THSD7A: variants seen among roughly 807,000 people sequenced by gnomAD.
THSD7A encodes thrombospondin type 1 domain containing 7A.
A neutral mutation model predicts 231.3 loss-of-function variants in THSD7A; 96 were observed. That is an observed-to-expected ratio of 0.41 (90% CI 0.35 to 0.49). The LOEUF (loss-of-function observed/expected upper bound fraction) is 0.49. Among genes scored for constraint, THSD7A ranks in the 20% least tolerant of loss-of-function variants. The pLI is 0.05. For missense variants in THSD7A, 2,290 were observed against 2,070.2 expected, an observed-to-expected ratio of 1.11 and a Z score of -2.06; for synonymous variants, 940 against 743.3, an observed-to-expected ratio of 1.26 and a Z score of -4.30.
At chr7:11,456,836 C>T (rs926081803) in intron 11 of THSD7A, among the ~76,000 whole-genome samples, 2 of 151,960 alleles carry the variant, frequency 1.3e-5, no homozygotes, top group Admixed American at 6.6e-5. Flanking sequence ...AGTTTACTGA[C>T]TCCTGGTATG....
Position 11,381,017 on chromosome 7 carries a change from GA to G in THSD7A, c.4508-1306del, listed in dbSNP as rs375232218. Among the ~76,000 whole-genome samples the G allele has an allele frequency of 1.5e-3, 224 of 151,784 alleles. 1 individual carries two copies. Among genetic ancestry groups the G allele is most frequent in the African/African-American group, 5.0e-3 (208 of 41,408 alleles). On this transcript the variant is annotated intron_variant, in intron 24 of 27. Transcript: ENST00000423059. Reference sequence around the variant, plus strand: ...GTAAATATTATTTGCATCCATTATTGAAAAAAAACTGCAAACTTACAGGATC... The same window carrying G: ...GTAAATATTATTTGCATCCATTATTGAAAAAAACTGCAAACTTACAGGATC...
intron 8 of THSD7A, among the ~76,000 whole-genome samples, chr7:11,472,849 C>T (rs965083674): frequency 6.6e-6 from 1 of 152,130 alleles, no homozygotes; most frequent in Non-Finnish European, 1.5e-5. Flanking sequence ...CACAATAACC[C>T]TCATCCTGCG....
At position 11,474,274 on chromosome 7, in the gene THSD7A, T is replaced by C. The variant is rs1485489205; in HGVS notation, c.2252+60A>G. ...TCCATTTCATGAAGCCAGTGAAGCC[T>C]GAGCCAATCCTCTGCACAGGTGGCT... On this transcript the variant is annotated intron_variant, in intron 8 of 27. Coordinates refer to ENST00000423059, the MANE Select transcript of THSD7A (RefSeq NM_015204.3). The surrounding 1 kb of genome is among the most constrained non-coding windows in gnomAD (Gnocchi z 4.1). 7.1e-7 allele frequency: 1 copy of C among 1,412,036 alleles called. No individual in the cohort carries two copies. Among genetic ancestry groups the C allele is most frequent in the Non-Finnish European group, 9.7e-7 (1 of 1,027,360 alleles). The allele number at this position is 1,412,036 out of a possible 1,614,324, so 87.5% of individuals were successfully genotyped here.
chr7:11,693,465 C>T (rs1273591523), intron 1 of THSD7A, among the ~76,000 whole-genome samples: 1 of 151,502 alleles, frequency 6.6e-6, no homozygotes, highest in African/African-American at 2.4e-5. Context: ...AACTGACTTA[C>T]TCAGTTCATC....
chr7:11,540,412 G>C (rs1250489102), intron 6 of THSD7A, among the ~76,000 whole-genome samples: 1 of 152,156 alleles, frequency 6.6e-6, no homozygotes, highest in Admixed American at 6.5e-5. Context: ...AAACAATTCT[G>C]CTTACTGGAA....
At chr7:11,551,812 C>T (rs529737780) in intron 4 of THSD7A, among the ~76,000 whole-genome samples, 2 of 152,030 alleles carry the variant, frequency 1.3e-5, no homozygotes, top group African/African-American at 4.8e-5. Context: ...CTTAAAACAA[C>T]TACCATTTGA....
chr7:11,498,153 C>T (rs865964480), intron 6 of THSD7A, among the ~76,000 whole-genome samples: 6 of 152,148 alleles, frequency 3.9e-5, no homozygotes, highest in Non-Finnish European at 8.8e-5. Flanking sequence ...AGGCTGAAGC[C>T]ATGGGGCTGA....
chr7:11,738,640 G>T (rs572678721), intron 1 of THSD7A, among the ~76,000 whole-genome samples: 1 of 151,848 alleles, frequency 6.6e-6, no homozygotes, highest in African/African-American at 2.4e-5. Context: ...TCTCCTCCCC[G>T]CAATCCCTAT....
At chr7:11,665,034 G>T (rs1355101076) in intron 1 of THSD7A, among the ~76,000 whole-genome samples, 1 of 151,970 alleles carries the variant, frequency 6.6e-6, no homozygotes, top group Admixed American at 6.6e-5. Context: ...AATTCCACAG[G>T]TAACACAGCA....
intron 1 of THSD7A, among the ~76,000 whole-genome samples, chr7:11,821,960 T>A (rs1194271402): frequency 6.6e-6 from 1 of 152,148 alleles, no homozygotes; most frequent in Non-Finnish European, 1.5e-5. Flanking sequence ...TTTGGCTAGG[T>A]CCAATTATGC....
chr7:11,769,153 A>ATATATATATATATATATT, intron 1 of THSD7A, among the ~76,000 whole-genome samples: 2 of 27,648 alleles, frequency 7.2e-5, no homozygotes, highest in Non-Finnish European at 7.0e-5. Flanking sequence ...ATATATATAT[A>ATATATATATATATATATT]TTTTTTTTTT....
chr7:11,819,524 A>G (rs1339479876), intron 1 of THSD7A, among the ~76,000 whole-genome samples: 4 of 152,206 alleles, frequency 2.6e-5, no homozygotes, highest in African/African-American at 9.6e-5. Context: ...GGCATGTAGA[A>G]AACTTAAACA....
chr7:11,446,059 A>G lies in THSD7A; in HGVS notation c.3064+2T>C. 1 of 1,613,238 alleles carries G rather than the reference A, an allele frequency of 6.2e-7. No homozygotes were observed. The highest frequency in any genetic ancestry group is 8.5e-7 in the Non-Finnish European group (1 of 1,179,430). On this transcript the variant is annotated splice_donor_variant, in intron 13 of 27. Coordinates refer to ENST00000423059, the MANE Select transcript of THSD7A (RefSeq NM_015204.3). LOFTEE classifies it high-confidence loss of function. This position sits in a 1 kb window ranked among gnomAD's most constrained non-coding sequence, Gnocchi z 4.0. Reference sequence around the variant, plus strand: ...AATATGTAACAATGAAGATTGAATTACCATGGCTGTTACATCTAGATGTTT... The same window carrying G: ...AATATGTAACAATGAAGATTGAATTGCCATGGCTGTTACATCTAGATGTTT...
chr7:11,512,279 G>C (rs1485698905), intron 6 of THSD7A, among the ~76,000 whole-genome samples: 1 of 152,136 alleles, frequency 6.6e-6, no homozygotes, highest in Non-Finnish European at 1.5e-5. Flanking sequence ...AAAAAGTCAG[G>C]AAGCAACAGG....
intron 11 of THSD7A, among the ~76,000 whole-genome samples, chr7:11,448,490 C>T (rs952673013): frequency 5.3e-5 from 8 of 152,062 alleles, no homozygotes; most frequent in African/African-American, 1.4e-4. Context: ...GGTTTATGGT[C>T]TAGGCTGAAA....
Position 11,382,629 on chromosome 7 carries a change from A to G in THSD7A, c.4412-13T>C. On this transcript the variant is annotated splice_polypyrimidine_tract_variant and intron_variant, in intron 23 of 27. Coordinates refer to ENST00000423059, the MANE Select transcript of THSD7A (RefSeq NM_015204.3). ...TAGCACTGTCCATCTGCAGGGAAAT[A>G]ATAAACATTAGCAGAAGCATTCTGT... The G allele has an allele frequency of 6.3e-7, 1 of 1,597,110 alleles. No homozygotes were observed. The highest frequency in any genetic ancestry group is 8.6e-7 in the Non-Finnish European group (1 of 1,165,556).
intron 23 of THSD7A, among the ~76,000 whole-genome samples, chr7:11,386,690 GC>G (rs1782757161): frequency 6.6e-6 from 1 of 152,136 alleles, no homozygotes; most frequent in Non-Finnish European, 1.5e-5. Context: ...AGTTTCTTTT[GC>G]TGTGCAGAAG....
intron 1 of THSD7A, among the ~76,000 whole-genome samples, chr7:11,671,241 C>T (rs1405317): frequency 0.1 from 15,194 of 152,192 alleles, 884 homozygotes; most frequent in Admixed American, 0.15. Flanking sequence ...TAATGGCCAG[C>T]TCCTTTGATA....
At chr7:11,764,095 A>G (rs1039389883) in intron 1 of THSD7A, among the ~76,000 whole-genome samples, 22 of 152,174 alleles carry the variant, frequency 1.4e-4, no homozygotes, top group Admixed American at 6.5e-5. Flanking sequence ...ATAATTACCA[A>G]TGTATTGTTC....
Sources: allele counts gnomAD v4.1 joint callset (sites outside exome capture counted in the v4.1 genomes callset), GRCh38; gene constraint gnomAD v4.1.1; non-coding constraint Gnocchi (gnomAD v3.1); transcripts MANE v1.5; gene names NCBI Gene and HGNC (gene_info 2026-07-23, HGNC 2026-07-21).